Variants in PTBP2 observed in about 807,000 individuals in gnomAD.
PTBP2 encodes polypyrimidine tract-binding protein 2.
Under a neutral mutation model 61.4 loss-of-function variants are expected in PTBP2, and 13 were observed. That is an observed-to-expected ratio of 0.21 (90% CI 0.14 to 0.34). PTBP2 has a LOEUF of 0.34. Ranked by LOEUF, PTBP2 falls within the 10% of genes least tolerant of loss-of-function variation. The probability of loss-of-function intolerance (pLI) is 1.00; values close to 1 mark genes in which losing one functional copy is unlikely to be tolerated. For synonymous variants in PTBP2, 215 were observed against 218.5 expected (o/e 0.98, Z 0.14); for missense variants, 405 against 642.6 (o/e 0.63, Z 4.00).
chr1:96,721,899 G>C, intron 1 of PTBP2, 27 bp downstream of exon 1: 2 of 1,571,710 alleles, frequency 1.3e-6, no homozygotes, highest in Non-Finnish European at 1.7e-6. Flanking sequence ...GCGAGAAGGT[G>C]TGTGTGAGAG....
At chr1:96,734,746 T>A (rs1651914725) in intron 2 of PTBP2, among the ~76,000 whole-genome samples, 1 of 151,862 alleles carries the variant, frequency 6.6e-6, no homozygotes, top group African/African-American at 2.4e-5. Context: ...AGGGTCTCTA[T>A]TTTTTTGGTA....
chr1:96,818,597 A>G (rs1018836465), downstream of PTBP2: 3 of 152,060 alleles, frequency 2.0e-5, no homozygotes, highest in Non-Finnish European at 2.9e-5. Context: ...AACTCAGTCT[A>G]TGAGCCTACT....
chr1:96,746,325 A>G (rs759122030), intron 2 of PTBP2, among the ~76,000 whole-genome samples: 15 of 152,114 alleles, frequency 9.9e-5, no homozygotes, highest in Non-Finnish European at 1.8e-4. Flanking sequence ...CCCCACCAGC[A>G]CTTGGCTAGG....
At position 96,804,816 on chromosome 1, in the gene PTBP2, G is replaced by A. The variant is rs1422287106; in HGVS notation, c.921G>A (p.Leu307=). 9 of 1,610,448 alleles carry A rather than the reference G, an allele frequency of 5.6e-6. No individual in the cohort carries two copies. Among genetic ancestry groups the A allele is most frequent in the Non-Finnish European group, 6.8e-6 (8 of 1,177,796 alleles). Residue 307 remains leucine (L), a synonymous_variant, in exon 9 of 14, where the codon CTG becomes CTA. Transcript: ENST00000674951. The part of the protein sequence containing the change: ...ETSLLAVPGA[L]SPLAIPNAAA... ...CTGTTGCAGCTGTTCCAGGAGCTCT[G>A]AGTCCTTTGGCCATTCCAAATGCTG...
At chr1:96,805,023 C>A (rs934389353) in intron 9 of PTBP2, 84 bp downstream of exon 9, 3 of 1,178,656 alleles carry the variant, frequency 2.5e-6, no homozygotes, top group Middle Eastern at 3.0e-4. Context: ...TTTGCACTTG[C>A]CTTTCTTTTT....
At chr1:96,792,605 C>T (rs558378650) in intron 8 of PTBP2, among the ~76,000 whole-genome samples, 60 of 151,862 alleles carry the variant, frequency 4.0e-4, no homozygotes, top group Non-Finnish European at 7.5e-4. Flanking sequence ...TTTTTTTTTA[C>T]ATACTAAGAT....
chr1:96,763,952 C>T (rs186689684), intron 3 of PTBP2, among the ~76,000 whole-genome samples: 285 of 152,288 alleles, frequency 1.9e-3, no homozygotes, highest in Non-Finnish European at 3.4e-3. Context: ...CCATGTAATT[C>T]AGATGACTCA....
At chr1:96,752,778 G>A (rs375045573) in intron 3 of PTBP2, among the ~76,000 whole-genome samples, 1 of 151,838 alleles carries the variant, frequency 6.6e-6, no homozygotes, top group African/African-American at 2.4e-5. Context: ...CCCTTTTTCA[G>A]TCTCCCCCCA....
In PTBP2 at chr1:96,748,154, G is replaced by A. The variant is rs189865043; in HGVS notation, c.40-3271G>A. 1.6e-4 allele frequency among the ~76,000 whole-genome samples: 25 copies of A among 152,076 alleles called. No homozygotes were observed. In the East Asian group the frequency reaches 4.8e-3, roughly 29 times the overall value. On this transcript the variant is annotated intron_variant, in intron 2 of 13. Transcript: ENST00000674951. Reference sequence around the variant, plus strand: ...TCCTTGCCCGGTGTCTTTCTGTCATGGTTCCCTAGGCTGCCATCTCCACAG... The same window carrying A: ...TCCTTGCCCGGTGTCTTTCTGTCATAGTTCCCTAGGCTGCCATCTCCACAG...
chr1:96,815,377 A>G (rs902240548), downstream of PTBP2: 1 of 152,178 alleles, frequency 6.6e-6, no homozygotes, highest in Non-Finnish European at 1.5e-5. Context: ...GCATATCTGC[A>G]TATCAGCATA....
At chr1:96,799,203 C>CCT (rs1660706523) in intron 8 of PTBP2, among the ~76,000 whole-genome samples, 1 of 151,994 alleles carries the variant, frequency 6.6e-6, no homozygotes, top group Non-Finnish European at 1.5e-5. Flanking sequence ...GAAAAAGATT[C>CCT]CTGCAACACC....
chr1:96,740,546 CAT>C (rs1003505048), intron 2 of PTBP2, among the ~76,000 whole-genome samples: 10 of 152,238 alleles, frequency 6.6e-5, no homozygotes, highest in African/African-American at 2.4e-4. Flanking sequence ...TTTGGGGAAA[CAT>C]AAGCATTGAG....
At chr1:96,776,297 A>G (rs1658033735) in intron 5 of PTBP2, among the ~76,000 whole-genome samples, 1 of 152,070 alleles carries the variant, frequency 6.6e-6, no homozygotes, top group East Asian at 1.9e-4. Context: ...ATACTGCTCT[A>G]TAAAACTAAT....
At chr1:96,736,720 G>A (rs1448636189) in intron 2 of PTBP2, among the ~76,000 whole-genome samples, 1 of 151,920 alleles carries the variant, frequency 6.6e-6, no homozygotes, top group Non-Finnish European at 1.5e-5. Flanking sequence ...GTCTTGCTCT[G>A]TCCACCAGGC....
chr1:96,787,006 T>C (rs1659278253), intron 8 of PTBP2, among the ~76,000 whole-genome samples: 1 of 152,162 alleles, frequency 6.6e-6, no homozygotes, highest in African/African-American at 2.4e-5. Flanking sequence ...CTGAAACTTT[T>C]AAAACAATAA....
chr1:96,745,196 T>C (rs1265973201), intron 2 of PTBP2, among the ~76,000 whole-genome samples: 1 of 151,836 alleles, frequency 6.6e-6, no homozygotes, highest in Non-Finnish European at 1.5e-5. Context: ...AGAGTCTTGC[T>C]CTGATACCCA....
intron 2 of PTBP2, among the ~76,000 whole-genome samples, chr1:96,742,455 C>T (rs1451400675): frequency 6.6e-6 from 1 of 152,078 alleles, no homozygotes; most frequent in Non-Finnish European, 1.5e-5. Context: ...TCTTTTATTA[C>T]TAATATCAAG....
chr1:96,764,228 CTT>C (rs1438455758), intron 3 of PTBP2, among the ~76,000 whole-genome samples: 2 of 152,132 alleles, frequency 1.3e-5, no homozygotes, highest in Admixed American at 6.5e-5. Context: ...TTATTAGAAA[CTT>C]AATCTCAGGT....
At chr1:96,766,068 G>A (rs1445600662) in intron 3 of PTBP2, among the ~76,000 whole-genome samples, 1 of 152,190 alleles carries the variant, frequency 6.6e-6, no homozygotes, top group African/African-American at 2.4e-5. Context: ...GAGAACAAAG[G>A]TCAGTCAGCA....
Sources: gnomAD v4.1 joint callset for allele counts (sites outside exome capture counted in the v4.1 genomes callset) on GRCh38, gnomAD v4.1.1 for gene constraint, MANE v1.5 for transcripts, NCBI Gene and HGNC (gene_info 2026-07-23, HGNC 2026-07-21) for gene names.